The following CDC20B variants were observed in gnomAD, a reference collection of about 807,000 sequenced individuals.
CDC20B encodes the protein cell division cycle protein 20 homolog B.
Under a neutral mutation model 64.1 loss-of-function variants are expected in CDC20B, and 58 were observed. That is an observed-to-expected ratio of 0.90 (90% CI 0.73 to 1.13). The LOEUF is 1.13. CDC20B is among the 50% of genes most tolerant of loss of function. CDC20B has a pLI of 0.00. For synonymous variants in CDC20B, 243 were observed against 230.6 expected, an observed-to-expected ratio of 1.05 and a Z score of -0.49; for missense variants, 597 against 633.0, an observed-to-expected ratio of 0.94 and a Z score of 0.61.
intron 3 of CDC20B, among the ~76,000 whole-genome samples, chr5:55,146,336 A>G (rs1174834832): frequency 6.6e-6 from 1 of 152,140 alleles, no homozygotes. Flanking sequence ...CCGCCCCCAC[A>G]TGGAGTGGCT....
intron 11 of CDC20B, among the ~76,000 whole-genome samples, chr5:55,115,297 T>A (rs1279091906): frequency 6.6e-6 from 1 of 152,248 alleles, no homozygotes; most frequent in Non-Finnish European, 1.5e-5. Flanking sequence ...TGTTTAATGT[T>A]CACACTAATT....
intron 9 of CDC20B, among the ~76,000 whole-genome samples, chr5:55,123,895 G>A (rs1408846215): frequency 6.6e-6 from 1 of 152,190 alleles, no homozygotes; most frequent in Admixed American, 6.5e-5. Context: ...CCAGTACAAT[G>A]TAGTGGCAGC....
rs748176757 is a variant in CDC20B at position 55,127,267 on chromosome 5, T to A, written c.979A>T (p.Ile327Phe). ...VVGALSWNHF[I>F]LSSGSRLGRV... ...CAAGACGCTTCTTACCTGCTGAGGA[T>A]AAAGTGATTCCAGCTCAGAGCCCCA... Residue 327 changes from isoleucine (I) to phenylalanine (F), a missense_variant, in exon 8 of 12, where the codon ATC (isoleucine) becomes TTC (phenylalanine). By Grantham distance (21) the Ile-to-Phe change is conservative. Around this residue, in one of 3 missense-constraint regions of CDC20B, gnomAD observed 353 missense variants for 397.0 expected, o/e 0.89. Coordinates refer to ENST00000381375, the MANE Select transcript of CDC20B (RefSeq NM_001170402.1). 2.0e-5 allele frequency: 32 copies of A among 1,613,828 alleles called. No homozygotes were observed. The highest frequency in any genetic ancestry group is 2.6e-5 in the Non-Finnish European group (31 of 1,179,816).
intron 5 of CDC20B, among the ~76,000 whole-genome samples, chr5:55,138,823 G>A (rs990418496): frequency 3.3e-5 from 5 of 151,204 alleles, no homozygotes; most frequent in Non-Finnish European, 5.9e-5. Context: ...CGAGGTTGGT[G>A]AACAGAGTTG....
intron 2 of CDC20B, among the ~76,000 whole-genome samples, chr5:55,172,067 G>T (rs7712791): frequency 0.025 from 3,740 of 152,282 alleles, 163 homozygotes; most frequent in African/African-American, 0.081. Flanking sequence ...TATGAAACAC[G>T]TTTATAAAAC....
chr5:55,139,003 T>C (rs940736097), intron 5 of CDC20B, among the ~76,000 whole-genome samples: 2 of 150,754 alleles, frequency 1.3e-5, no homozygotes, highest in Non-Finnish European at 2.9e-5. Flanking sequence ...AACTATAGGA[T>C]ATGGATCTCC....
intron 5 of CDC20B, among the ~76,000 whole-genome samples, chr5:55,134,589 C>T (rs1305081479): frequency 5.3e-5 from 8 of 152,132 alleles, no homozygotes; most frequent in African/African-American, 1.4e-4. Flanking sequence ...CGGTGAAACC[C>T]TGTCACTACA....
At position 55,120,334 on chromosome 5, in the gene CDC20B, G is replaced by A. The variant is rs148539416; in HGVS notation, c.1341+91C>T. 1.7e-5 allele frequency: 25 copies of A among 1,453,728 alleles called. No homozygotes were observed. The African/African-American group carries it at 3.4e-4, about 20-fold the overall frequency. The allele number at this position is 1,453,728 out of a possible 1,614,324, so 90.1% of individuals were successfully genotyped here. A position where few individuals can be genotyped will look rare whatever the true frequency, so the allele number is the denominator to read the frequency against. On this transcript the variant is annotated intron_variant, in intron 10 of 11. Coordinates refer to ENST00000381375, the MANE Select transcript of CDC20B (RefSeq NM_001170402.1). ...TCCTTATGGACTCAATAGAGAAAGA[G>A]AGCTTGTTGGGGGCATAGGCTCTGT...
At chr5:55,149,026 C>T (rs1017237843) in intron 2 of CDC20B, among the ~76,000 whole-genome samples, 4 of 152,132 alleles carry the variant, frequency 2.6e-5, no homozygotes, top group African/African-American at 9.7e-5. Context: ...TTTGTAAGTA[C>T]AAAAAGATGT....
intron 2 of CDC20B, among the ~76,000 whole-genome samples, chr5:55,157,076 GC>G (rs1743830887): frequency 6.6e-6 from 1 of 152,060 alleles, no homozygotes; most frequent in Non-Finnish European, 1.5e-5. Flanking sequence ...ACTACTTTAT[GC>G]CCTTCTTGAC....
chr5:55,132,175 G>A (rs1265816279), intron 6 of CDC20B, among the ~76,000 whole-genome samples: 1 of 152,138 alleles, frequency 6.6e-6, no homozygotes, highest in Non-Finnish European at 1.5e-5. Context: ...TTCTTAGTTG[G>A]TCATGACAAT....
intron 2 of CDC20B, among the ~76,000 whole-genome samples, chr5:55,151,636 C>A (rs78770785): frequency 6.6e-6 from 1 of 152,162 alleles, no homozygotes; most frequent in Admixed American, 6.5e-5. Context: ...AATATCCTAC[C>A]GCCTTAGCAG....
At chr5:55,162,120 G>A (rs1744104075) in intron 2 of CDC20B, among the ~76,000 whole-genome samples, 1 of 150,186 alleles carries the variant, frequency 6.7e-6, no homozygotes, top group South Asian at 2.1e-4. Context: ...AAAAGGCCGG[G>A]CGCGGTGGCT....
intron 2 of CDC20B, chr5:55,164,650 G>A (rs1213465902): frequency 6.6e-6 from 1 of 152,502 alleles, no homozygotes; most frequent in East Asian, 1.9e-4. Flanking sequence ...TTGGATTCAA[G>A]AGCACTGTGT....
chr5:55,139,822 C>T (rs1432618664), intron 5 of CDC20B, among the ~76,000 whole-genome samples: 2 of 151,810 alleles, frequency 1.3e-5, no homozygotes, highest in Non-Finnish European at 1.5e-5. Context: ...GCCAGGAGTT[C>T]GAGACCAGCC....
chr5:55,162,683 G>A (rs544893958), intron 2 of CDC20B, among the ~76,000 whole-genome samples: 1 of 152,330 alleles, frequency 6.6e-6, no homozygotes, highest in East Asian at 1.9e-4. Context: ...TTATTTTGAA[G>A]GTCCACTGAG....
chr5:55,118,812 A>T (rs569577342), intron 11 of CDC20B, among the ~76,000 whole-genome samples: 1 of 152,212 alleles, frequency 6.6e-6, no homozygotes, highest in Non-Finnish European at 1.5e-5. Flanking sequence ...CGGGCTCATC[A>T]TCAGAGGCAG....
At chr5:55,122,915 A>C (rs1742793638) in intron 9 of CDC20B, among the ~76,000 whole-genome samples, 1 of 152,202 alleles carries the variant, frequency 6.6e-6, no homozygotes, top group Non-Finnish European at 1.5e-5. Context: ...CTCAGATGAC[A>C]TTTTCCCAGA....
chr5:55,148,433 G>A (rs1178725862), intron 2 of CDC20B, among the ~76,000 whole-genome samples: 1 of 152,218 alleles, frequency 6.6e-6, no homozygotes, highest in African/African-American at 2.4e-5. Context: ...AAAGAAATCA[G>A]CCGGCCGTGG....
Sources: allele counts gnomAD v4.1 joint callset (sites outside exome capture counted in the v4.1 genomes callset), GRCh38; gene constraint gnomAD v4.1.1; regional missense constraint gnomAD v4.1.1; transcripts MANE v1.5; gene names NCBI Gene and HGNC (gene_info 2026-07-23, HGNC 2026-07-21).